Variants in PDE6A observed in about 807,000 individuals in gnomAD.
PDE6A encodes rod cGMP-specific 3',5'-cyclic phosphodiesterase subunit alpha.
PDE6A carries 84 observed loss-of-function variants against 106.3 expected under a neutral mutation model. That is an observed-to-expected ratio of 0.79 (90% CI 0.66 to 0.95). The LOEUF (loss-of-function observed/expected upper bound fraction) is 0.95, where lower values mean the gene tolerates loss of function less well. PDE6A is among the 40% of genes least tolerant of loss of function. The pLI, the probability that PDE6A is intolerant of heterozygous loss-of-function variation, is 0.00. For missense variants in PDE6A, 1,052 were observed against 1,084.9 expected, an observed-to-expected ratio of 0.97 and a Z score of 0.43; for synonymous variants, 394 against 386.6, an observed-to-expected ratio of 1.02 and a Z score of -0.23.
intron 21 of PDE6A, among the ~76,000 whole-genome samples, chr5:149,861,920 T>C (rs1322661223): frequency 2.0e-5 from 3 of 152,210 alleles, no homozygotes; most frequent in Non-Finnish European, 4.4e-5. Flanking sequence ...ACTGCCATTT[T>C]TCTGGAAAAT....
intron 4 of PDE6A, among the ~76,000 whole-genome samples, chr5:149,924,635 C>A (rs550186302): frequency 1.3e-5 from 2 of 152,076 alleles, no homozygotes; most frequent in African/African-American, 2.4e-5. Context: ...TGTTTCAGAC[C>A]AATCCTCCAA....
rs913183524 is a variant in PDE6A at position 149,907,187 on chromosome 5, G to A, written c.1065+125C>T. ...TTGCCAACTGAATTGAGAGAAACAAGAGAATTAGGCTTTTAGAGATCCACA... is the reference window on the plus strand; with the variant it reads ...TTGCCAACTGAATTGAGAGAAACAAAAGAATTAGGCTTTTAGAGATCCACA... On this transcript the variant is annotated intron_variant, in intron 7 of 21. Transcript: ENST00000255266. The A allele has an allele frequency of 3.7e-6, 3 of 801,396 alleles. No homozygotes were observed. In the African/African-American group the frequency reaches 5.3e-5, roughly 14 times the overall value. The allele number at this position is 801,396 out of a possible 1,614,324, so 49.6% of individuals were successfully genotyped here.
chr5:149,878,089 G>C (rs1581160067), intron 17 of PDE6A, among the ~76,000 whole-genome samples: 1 of 152,190 alleles, frequency 6.6e-6, no homozygotes, highest in South Asian at 2.1e-4. Flanking sequence ...ATTTTGTAAG[G>C]TGGGGAAGAA....
At chr5:149,940,200 C>T (rs1048870036) in intron 1 of PDE6A, 2 of 152,180 alleles carry the variant, frequency 1.3e-5, no homozygotes, top group African/African-American at 4.8e-5. Context: ...TCTGTTTCAT[C>T]ATCTGTGAAA....
intron 13 of PDE6A, among the ~76,000 whole-genome samples, chr5:149,894,629 A>AT (rs10657525): frequency 0.32 from 35,664 of 112,646 alleles, 6,945 homozygotes; most frequent in Middle Eastern, 0.43. Context: ...GAACTGTTGA[A>AT]TTTTTTTTTT....
intron 8 of PDE6A, among the ~76,000 whole-genome samples, chr5:149,902,115 C>T (rs985229048): frequency 1.3e-5 from 2 of 152,144 alleles, no homozygotes; most frequent in Non-Finnish European, 2.9e-5. Context: ...CCTTGGTGTG[C>T]CTTTCCAGGC....
intron 16 of PDE6A, 85 bp downstream of exon 16, chr5:149,884,394 A>G (rs1761062242): frequency 1.2e-6 from 1 of 802,358 alleles, no homozygotes; most frequent in South Asian, 1.4e-5. Context: ...ATATGTGTAT[A>G]TATGTATATA....
Position 149,907,339 on chromosome 5 carries a change from G to A in PDE6A, c.1038C>T (p.Leu346=), listed in dbSNP as rs1352860187. The part of the protein sequence containing the change: ...PPDHWALVSG[L]PAYVAQNGLI... The stretch of plus-strand genomic sequence containing the variant: ...GGCCATTCTGGGCAACATAAGCTGG[G>A]AGACCGCTTACTAAAGCCCAATGGT... Residue 346 remains leucine (L), a synonymous_variant, in exon 7 of 22, where the codon CTC becomes CTT. Coordinates refer to ENST00000255266, the MANE Select transcript of PDE6A (RefSeq NM_000440.3). The A allele has an allele frequency of 4.3e-6, 7 of 1,613,870 alleles. No individual in the cohort carries two copies. The African/African-American group carries it at 9.3e-5, about 22-fold the overall frequency.
intron 17 of PDE6A, among the ~76,000 whole-genome samples, chr5:149,882,450 C>T (rs994568305): frequency 6.6e-6 from 1 of 152,010 alleles, no homozygotes; most frequent in African/African-American, 2.4e-5. Context: ...ATGCCCAGGA[C>T]CCATCACAGA....
At chr5:149,889,312 T>G (rs529603566) in intron 13 of PDE6A, among the ~76,000 whole-genome samples, 2 of 152,138 alleles carry the variant, frequency 1.3e-5, no homozygotes, top group South Asian at 4.1e-4. Context: ...CCAAATTAAT[T>G]TCCTGTACTC....
chr5:149,903,191 C>T (rs1419495132), intron 8 of PDE6A, among the ~76,000 whole-genome samples: 2 of 139,676 alleles, frequency 1.4e-5, no homozygotes, highest in Admixed American at 7.1e-5. Context: ...ACAACAACGA[C>T]AAAACACCTG....
intron 5 of PDE6A, among the ~76,000 whole-genome samples, chr5:149,920,743 A>G (rs1394720465): frequency 6.6e-6 from 1 of 151,898 alleles, no homozygotes; most frequent in Non-Finnish European, 1.5e-5. Context: ...TCAGGTATTT[A>G]TGGAAAGACT....
intron 4 of PDE6A, among the ~76,000 whole-genome samples, chr5:149,928,903 A>T (rs1332877414): frequency 6.6e-6 from 1 of 152,180 alleles, no homozygotes; most frequent in Non-Finnish European, 1.5e-5. Context: ...AAAATATTCA[A>T]CCTCATCAGT....
At chr5:149,870,262 A>T (rs1199689516) in intron 17 of PDE6A, among the ~76,000 whole-genome samples, 1 of 152,178 alleles carries the variant, frequency 6.6e-6, no homozygotes, top group African/African-American at 2.4e-5. Context: ...GCATATTTTA[A>T]ATTATGTAAA....
chr5:149,909,710 A>G (rs950489199), intron 6 of PDE6A, among the ~76,000 whole-genome samples: 2 of 152,186 alleles, frequency 1.3e-5, no homozygotes, highest in African/African-American at 4.8e-5. Context: ...ATTTTACATT[A>G]AGCACAATTT....
rs1037167348 is a variant in PDE6A at position 149,893,140 on chromosome 5, A to C, written c.1728+2043T>G. ...TGTGACCCACCAGTTGATGACAACC[A>C]GATCTTTCATGATCTAGAACCCAAA... On this transcript the variant is annotated intron_variant, in intron 13 of 21. Coordinates refer to ENST00000255266, the MANE Select transcript of PDE6A (RefSeq NM_000440.3). Among the ~76,000 whole-genome samples the C allele has an allele frequency of 5.3e-5, 8 of 152,242 alleles. 1 individual carries two copies. The highest frequency in any genetic ancestry group is 1.2e-4 in the Non-Finnish European group (8 of 68,048).
chr5:149,909,933 T>C (rs1753322379), intron 6 of PDE6A, among the ~76,000 whole-genome samples: 1 of 152,238 alleles, frequency 6.6e-6, no homozygotes, highest in South Asian at 2.1e-4. Flanking sequence ...TATCTATATT[T>C]ATTAGGTTAA....
intron 1 of PDE6A, among the ~76,000 whole-genome samples, chr5:149,935,669 C>T (rs1413807389): frequency 1.3e-5 from 2 of 152,186 alleles, no homozygotes; most frequent in African/African-American, 4.8e-5. Context: ...ACCATGCGGT[C>T]AGGATGAAAA....
intron 19 of PDE6A, chr5:149,866,459 A>T: frequency 4.0e-6 from 2 of 503,142 alleles, no homozygotes; most frequent in Non-Finnish European, 7.2e-6. Flanking sequence ...GAAACTGCAC[A>T]AAAAAAAAGA....
Sources: allele counts gnomAD v4.1 joint callset (sites outside exome capture counted in the v4.1 genomes callset), GRCh38; gene constraint gnomAD v4.1.1; transcripts MANE v1.5; gene names NCBI Gene and HGNC (gene_info 2026-07-23, HGNC 2026-07-21).